Variants in PAFAH1B1 observed in about 807,000 individuals in gnomAD.
PAFAH1B1 encodes the protein platelet activating factor acetylhydrolase 1b regulatory subunit 1, also known as platelet-activating factor acetylhydrolase IB subunit beta.
In PAFAH1B1, 2 loss-of-function variants were observed where a neutral mutation model predicts 57.5. The ratio of observed to expected loss-of-function variants is 0.03; its 90% confidence interval spans 0.01 to 0.11. The LOEUF (loss-of-function observed/expected upper bound fraction) is 0.11. Among genes scored for constraint, PAFAH1B1 ranks in the 10% least tolerant of loss-of-function variants. PAFAH1B1 has a pLI of 1.00. For synonymous variants in PAFAH1B1, 152 were observed against 169.6 expected (o/e 0.90, Z 0.81); for missense variants, 257 against 512.0 (o/e 0.50, Z 4.81).
chr17:2,675,662 A>G lies in PAFAH1B1; in HGVS notation c.901-843A>G, dbSNP rs114892238. 4.1e-3 allele frequency among the ~76,000 whole-genome samples: 619 copies of G among 150,226 alleles called. 5 individuals are homozygous for G. Among genetic ancestry groups the G allele is most frequent in the African/African-American group, 0.014 (588 of 40,928 alleles). On this transcript the variant is annotated intron_variant, in intron 8 of 10. Coordinates refer to ENST00000397195, the MANE Select transcript of PAFAH1B1 (RefSeq NM_000430.4). Reference sequence around the variant, plus strand: ...TTTTTTTTTTTTTAAACTCACCACTATACTAATGACGGAAAAAATTTTCAA... The same window carrying G: ...TTTTTTTTTTTTTAAACTCACCACTGTACTAATGACGGAAAAAATTTTCAA...
intron 2 of PAFAH1B1, among the ~76,000 whole-genome samples, chr17:2,652,182 G>A (rs1370199378): frequency 6.6e-6 from 1 of 152,022 alleles, no homozygotes; most frequent in Non-Finnish European, 1.5e-5. Context: ...AGGCCAAGGC[G>A]GGCAAATCAC....
At position 2,684,096 on chromosome 17, in the gene PAFAH1B1, AT is replaced by A. The variant is rs1195144698; in HGVS notation, c.*2296del. 6.6e-6 allele frequency: 1 copy of A among 152,602 alleles called. No individual in the cohort carries two copies. Among genetic ancestry groups the A allele is most frequent in the East Asian group, 1.9e-4 (1 of 5,202 alleles). 9.5% of individuals were successfully genotyped at this position (152,602 alleles called of 1,614,324 possible). On this transcript the variant is annotated 3_prime_UTR_variant, in exon 11 of 11. Transcript: ENST00000397195. ...AAACAAAGTTATCCTTACTTGGGAG[AT>A]TGCCACAGCCTGCTGCTGAGTTGAG...
chr17:2,602,127 C>T (rs193145961), intron 1 of PAFAH1B1, among the ~76,000 whole-genome samples: 39 of 151,898 alleles, frequency 2.6e-4, no homozygotes, highest in African/African-American at 7.0e-4. Context: ...CAAATCCCAA[C>T]GTAAAGATAA....
intron 9 of PAFAH1B1, 59 bp from the exon 10 acceptor site, chr17:2,680,105 A>G: frequency 7.1e-7 from 1 of 1,417,764 alleles, no homozygotes; most frequent in South Asian, 1.2e-5. Flanking sequence ...GTATTATGAA[A>G]TAGATGCTAT....
intron 1 of PAFAH1B1, among the ~76,000 whole-genome samples, chr17:2,622,727 T>A (rs1255420110): frequency 6.6e-6 from 1 of 152,120 alleles, no homozygotes; most frequent in African/African-American, 2.4e-5. Flanking sequence ...CAGCTGGGAC[T>A]CACAGTAGGG....
intron 1 of PAFAH1B1, among the ~76,000 whole-genome samples, chr17:2,636,084 G>A (rs1165208124): frequency 1.3e-5 from 2 of 152,054 alleles, no homozygotes; most frequent in Middle Eastern, 3.2e-3. Context: ...ACGCCAGCCT[G>A]GACAACAAAA....
chr17:2,672,965 G>A lies in PAFAH1B1; in HGVS notation c.671+208G>A, dbSNP rs2069203871. 2.0e-5 allele frequency among the ~76,000 whole-genome samples: 3 copies of A among 152,126 alleles called. No homozygotes were observed. In the South Asian group the frequency reaches 6.2e-4, roughly 32 times the overall value. ...CACCTGTATTCCCAGCTACTTGGGA[G>A]GCTGAGACAGGAGAATCACTTGAAC... On this transcript the variant is annotated intron_variant, in intron 7 of 10. Coordinates refer to ENST00000397195, the MANE Select transcript of PAFAH1B1 (RefSeq NM_000430.4).
At chr17:2,650,793 CTG>C (rs1254326035) in intron 2 of PAFAH1B1, among the ~76,000 whole-genome samples, 2 of 152,070 alleles carry the variant, frequency 1.3e-5, no homozygotes, top group African/African-American at 2.4e-5. Flanking sequence ...TTCTCTTCCT[CTG>C]TGAAGTGCCT....
At chr17:2,618,468 A>AT (rs1219741939) in intron 1 of PAFAH1B1, among the ~76,000 whole-genome samples, 4 of 152,164 alleles carry the variant, frequency 2.6e-5, no homozygotes, top group Non-Finnish European at 4.4e-5. Flanking sequence ...ATCTAAGGAA[A>AT]TGAAGTTACT....
intron 1 of PAFAH1B1, among the ~76,000 whole-genome samples, chr17:2,602,424 A>G (rs1371399182): frequency 6.6e-6 from 1 of 152,194 alleles, no homozygotes; most frequent in Non-Finnish European, 1.5e-5. Flanking sequence ...AACATTAGAA[A>G]TAATACTTTA....
intron 2 of PAFAH1B1, among the ~76,000 whole-genome samples, chr17:2,654,380 T>A (rs190673262): frequency 2.9e-4 from 44 of 151,892 alleles, no homozygotes; most frequent in African/African-American, 1.1e-3. Flanking sequence ...AGTTTCACCA[T>A]GTTGGCCAGG....
rs983103791 is a variant in PAFAH1B1, at chr17:2,684,616, A to C, written c.*2814A>C. 5 of 152,686 alleles carry C rather than the reference A, an allele frequency of 3.3e-5. No homozygotes were observed. The highest frequency in any genetic ancestry group is 2.6e-4 in the Admixed American group (4 of 15,288). The allele number at this position is 152,686 out of a possible 1,614,324, so 9.5% of individuals were successfully genotyped here. A position where few individuals can be genotyped will look rare whatever the true frequency, so the allele number is the denominator to read the frequency against. ...AGCTGCGCTCTTGAGAGTGCATGCC[A>C]TGGAGACTGGTTTAGACACCGCGTG... On this transcript the variant is annotated 3_prime_UTR_variant, in exon 11 of 11. Coordinates refer to ENST00000397195, the MANE Select transcript of PAFAH1B1 (RefSeq NM_000430.4).
chr17:2,625,936 C>T (rs975223213), intron 1 of PAFAH1B1, among the ~76,000 whole-genome samples: 1 of 151,880 alleles, frequency 6.6e-6, no homozygotes, highest in Admixed American at 6.6e-5. Context: ...AGTGAGGACC[C>T]TGTCTCAAGA....
Position 2,667,208 on chromosome 17 carries a change from T to G in PAFAH1B1, c.399+10T>G. The G allele has an allele frequency of 6.2e-7, 1 of 1,605,664 alleles. No homozygotes were observed. Among genetic ancestry groups the G allele is most frequent in the Non-Finnish European group, 8.5e-7 (1 of 1,172,406 alleles). ...GGATGCTACAATTAAGGTAATTTTT[T>G]GTTAAAAGCAGACTTAACGGGAGGC... On this transcript the variant is annotated intron_variant, in intron 5 of 10. Transcript: ENST00000397195.
At chr17:2,642,772 T>C (rs1273728262) in intron 2 of PAFAH1B1, among the ~76,000 whole-genome samples, 2 of 152,194 alleles carry the variant, frequency 1.3e-5, no homozygotes, top group Non-Finnish European at 2.9e-5. Flanking sequence ...AGAATTTGTT[T>C]TGTTGTTGTT....
At chr17:2,667,906 A>ATT (rs1206969009) in intron 5 of PAFAH1B1, among the ~76,000 whole-genome samples, 4 of 152,010 alleles carry the variant, frequency 2.6e-5, no homozygotes, top group African/African-American at 9.7e-5. Flanking sequence ...ACACAATAAA[A>ATT]TGACCGTTGT....
chr17:2,645,670 G>A (rs577561983), intron 2 of PAFAH1B1, among the ~76,000 whole-genome samples: 2 of 150,432 alleles, frequency 1.3e-5, no homozygotes, highest in South Asian at 2.1e-4. Context: ...CTGGAGTGCA[G>A]TGGCACGATC....
rs536709656 is a variant in PAFAH1B1, at chr17:2,666,095, CTAAG to C, written c.192+7_192+10del. 2 of 1,494,490 alleles carry C rather than the reference CTAAG, an allele frequency of 1.3e-6. No individual in the cohort carries two copies. Among genetic ancestry groups the C allele is most frequent in the East Asian group, 2.4e-5 (1 of 42,396 alleles). The allele number at this position is 1,494,490 out of a possible 1,614,324, so 92.6% of individuals were successfully genotyped here. ...GTTATTAGATTACAAAAGAAGGTAA[CTAAG>C]TCTTTTTTCTTTAAAATTAGTTGTA... On this transcript the variant is annotated splice_donor_region_variant and intron_variant, in intron 4 of 10. Coordinates refer to ENST00000397195, the MANE Select transcript of PAFAH1B1 (RefSeq NM_000430.4).
At chr17:2,665,937 G>T in intron 3 of PAFAH1B1, 79 bp from the exon 4 acceptor site, 2 of 1,283,766 alleles carry the variant, frequency 1.6e-6, no homozygotes, top group African/African-American at 1.5e-5. Flanking sequence ...AGTAATATTT[G>T]GACTTAAAGA....
Sources: allele counts gnomAD v4.1 joint callset (sites outside exome capture counted in the v4.1 genomes callset), GRCh38; gene constraint gnomAD v4.1.1; transcripts MANE v1.5; gene names NCBI Gene and HGNC (gene_info 2026-07-23, HGNC 2026-07-21).